The following WASF2 variants were observed in gnomAD, a reference collection of about 807,000 sequenced individuals.
WASF2 encodes the protein actin-binding protein WASF2.
In WASF2, 14 loss-of-function variants were observed where a neutral mutation model predicts 45.0. That is an observed-to-expected ratio of 0.31 (90% CI 0.21 to 0.49). WASF2 has a LOEUF of 0.49. Ranked by LOEUF, WASF2 falls within the 20% of genes least tolerant of loss-of-function variation. WASF2 has a pLI of 0.99. For missense variants in WASF2, 439 were observed against 636.1 expected, an observed-to-expected ratio of 0.69 and a Z score of 3.33; for synonymous variants, 200 against 236.3, an observed-to-expected ratio of 0.85 and a Z score of 1.41.
chr1:27,469,161 A>C (rs1189994980), intron 1 of WASF2, among the ~76,000 whole-genome samples: 1 of 152,142 alleles, frequency 6.6e-6, no homozygotes, highest in Non-Finnish European at 1.5e-5. Flanking sequence ...TTAGCATTTA[A>C]ATGATATGAT....
chr1:27,477,886 G>A lies in WASF2; in HGVS notation c.-44+12100C>T, dbSNP rs867967609. Among the ~76,000 whole-genome samples the A allele has an allele frequency of 2.7e-4, 25 of 92,620 alleles. 4 individuals are homozygous for A. Among genetic ancestry groups the A allele is most frequent in the South Asian group, 8.6e-4 (2 of 2,318 alleles). The allele number at this position is 92,620 out of a possible 152,430, so 60.8% of individuals were successfully genotyped here. A position where few individuals can be genotyped will look rare whatever the true frequency, so the allele number is the denominator to read the frequency against. On this transcript the variant is annotated intron_variant, in intron 1 of 8. Coordinates refer to ENST00000618852, the MANE Select transcript of WASF2 (RefSeq NM_006990.5). Reference sequence around the variant, plus strand: ...TGCACTCCAGCCTGGGCTACAGAGCGAGACTCCGTCTCAAAAAAAAAAAAT... The same window carrying A: ...TGCACTCCAGCCTGGGCTACAGAGCAAGACTCCGTCTCAAAAAAAAAAAAT...
chr1:27,485,126 G>A (rs946563892), intron 1 of WASF2, among the ~76,000 whole-genome samples: 9 of 151,942 alleles, frequency 5.9e-5, no homozygotes, highest in Non-Finnish European at 1.2e-4. Flanking sequence ...CTCCAGGCTG[G>A]GCAATAAGAG....
At chr1:27,470,841 T>C (rs2017678152) in intron 1 of WASF2, among the ~76,000 whole-genome samples, 1 of 152,048 alleles carries the variant, frequency 6.6e-6, no homozygotes, top group African/African-American at 2.4e-5. Context: ...ATAAAACCCA[T>C]CCTTAAAACC....
In WASF2 at chr1:27,410,949, G is replaced by A. The variant is rs1411239272; in HGVS notation, c.825-743C>T. Among the ~76,000 whole-genome samples, 1 of 152,206 alleles carries A rather than the reference G, an allele frequency of 6.6e-6. No homozygotes were observed. The highest frequency in any genetic ancestry group is 1.5e-5 in the Non-Finnish European group (1 of 68,042). On this transcript the variant is annotated intron_variant, in intron 7 of 8. Transcript: ENST00000618852. The surrounding 1 kb of genome is among the most constrained non-coding windows in gnomAD (Gnocchi z 4.2). ...TCTCAGGCCATGTGTGAAGCTGAAG[G>A]TTTTCTTTTTCCACCTTTGTATCTA... is the stretch of plus-strand genomic sequence containing the variant.
chr1:27,410,249 T>C lies in WASF2; in HGVS notation c.825-43A>G, dbSNP rs897585392. 8 of 1,609,236 alleles carry C rather than the reference T, an allele frequency of 5.0e-6. No homozygotes were observed. The Admixed American group carries it at 8.4e-5, about 17-fold the overall frequency. ...AAAAGACTCACCATCACCCTTAGAA[T>C]GCAGACACCTATCTACAGTTAGCCT... On this transcript the variant is annotated intron_variant, in intron 7 of 8. Coordinates refer to ENST00000618852, the MANE Select transcript of WASF2 (RefSeq NM_006990.5). The surrounding 1 kb of genome is among the most constrained non-coding windows in gnomAD (Gnocchi z 4.2).
intron 2 of WASF2, among the ~76,000 whole-genome samples, chr1:27,424,246 C>A (rs2148109029): frequency 6.6e-6 from 1 of 152,286 alleles, no homozygotes; most frequent in South Asian, 2.1e-4. Context: ...TCCCTGCACT[C>A]CTCTCAGCTA....
At chr1:27,409,428 CAAAAAAAAAAAA>C (rs60940665) in intron 8 of WASF2, among the ~76,000 whole-genome samples, 173 of 43,700 alleles carry the variant, frequency 4.0e-3, no homozygotes, top group Middle Eastern at 0.023. Context: ...CTGTCCCCCA[CAAAAAAAAAAAA>C]AAAAAAAAAA....
At chr1:27,485,834 C>G (rs1031004260) in intron 1 of WASF2, among the ~76,000 whole-genome samples, 3 of 152,206 alleles carry the variant, frequency 2.0e-5, no homozygotes, top group Non-Finnish European at 2.9e-5. Flanking sequence ...GCTTCAGCCT[C>G]CTGAGTAGCT....
intron 1 of WASF2, among the ~76,000 whole-genome samples, chr1:27,472,410 G>C (rs2017702088): frequency 6.6e-6 from 1 of 151,224 alleles, no homozygotes; most frequent in South Asian, 2.1e-4. Context: ...GAGGCAGGTG[G>C]ATCACTTGAG....
At chr1:27,428,672 G>GA (rs2017019420) in intron 2 of WASF2, 89 bp downstream of exon 2, 7 of 1,600,970 alleles carry the variant, frequency 4.4e-6, no homozygotes, top group Middle Eastern at 3.3e-4. Flanking sequence ...GCAGATGGGG[G>GA]AGAAATAGGA....
chr1:27,478,555 A>G (rs2017802636), intron 1 of WASF2, among the ~76,000 whole-genome samples: 1 of 152,122 alleles, frequency 6.6e-6, no homozygotes, highest in African/African-American at 2.4e-5. Context: ...GAAGGAGGGA[A>G]CTTTGGAGGG....
intron 1 of WASF2, among the ~76,000 whole-genome samples, chr1:27,478,831 G>A (rs187908368): frequency 3.3e-5 from 5 of 151,924 alleles, no homozygotes; most frequent in African/African-American, 4.8e-5. Flanking sequence ...TGATCCACCC[G>A]CCTCGACCTC....
intron 1 of WASF2, among the ~76,000 whole-genome samples, chr1:27,484,674 T>C (rs1173672987): frequency 6.6e-6 from 1 of 151,894 alleles, no homozygotes. Context: ...TAGCCAGGCA[T>C]GGTGGCGGGC....
At chr1:27,450,782 A>G (rs942928643) in intron 1 of WASF2, among the ~76,000 whole-genome samples, 2 of 151,634 alleles carry the variant, frequency 1.3e-5, no homozygotes, top group Non-Finnish European at 2.9e-5. Context: ...TACAGGTGTG[A>G]GCCATCGCAC....
At chr1:27,458,622 C>A (rs1252263745) in intron 1 of WASF2, among the ~76,000 whole-genome samples, 1 of 150,982 alleles carries the variant, frequency 6.6e-6, no homozygotes, top group East Asian at 2.0e-4. Flanking sequence ...TGGTGAAAAA[C>A]CGTCTACTAA....
chr1:27,461,144 T>A (rs902085923), intron 1 of WASF2, among the ~76,000 whole-genome samples: 1 of 152,200 alleles, frequency 6.6e-6, no homozygotes, highest in Admixed American at 6.5e-5. Context: ...AGACTCCGTC[T>A]CAAAACACAA....
rs2017694982 is a variant in WASF2, at chr1:27,471,968, C to G, written c.-44+18018G>C. On this transcript the variant is annotated intron_variant, in intron 1 of 8. Transcript: ENST00000618852. The stretch of plus-strand genomic sequence containing the variant: ...GCCTAGATTTCTGCAGTAGCCTGTT[C>G]AACCCACCTCAATCAAGTCCTGCCC... 2.0e-5 allele frequency among the ~76,000 whole-genome samples: 3 copies of G among 152,316 alleles called. No individual in the cohort carries two copies. The South Asian group carries it at 6.2e-4, about 32-fold the overall frequency.
At chr1:27,418,503 C>CA in intron 3 of WASF2, 81 bp from the exon 4 acceptor site, 1 of 1,581,322 alleles carries the variant, frequency 6.3e-7, no homozygotes, top group Non-Finnish European at 8.6e-7. Flanking sequence ...GGAGAGGCCT[C>CA]AGCTGCTGCA....
chr1:27,481,705 C>A (rs900494304), intron 1 of WASF2, among the ~76,000 whole-genome samples: 10 of 151,096 alleles, frequency 6.6e-5, no homozygotes, highest in Non-Finnish European at 1.2e-4. Context: ...GCCTGGGCGA[C>A]AGAGCAAGAC....
Sources: allele counts gnomAD v4.1 joint callset (sites outside exome capture counted in the v4.1 genomes callset), GRCh38; gene constraint gnomAD v4.1.1; non-coding constraint Gnocchi (gnomAD v3.1); transcripts MANE v1.5; gene names NCBI Gene and HGNC (gene_info 2026-07-23, HGNC 2026-07-21).